MARCHF1: variants seen among roughly 807,000 people sequenced by gnomAD.
MARCHF1 encodes the protein membrane associated ring-CH-type finger 1, also known as E3 ubiquitin-protein ligase MARCHF1.
MARCHF1 carries 40 observed loss-of-function variants against 54.2 expected under a neutral mutation model. The observed-to-expected ratio is 0.74, with a 90% confidence interval of 0.57 to 0.96. The LOEUF is 0.96. Ranked by LOEUF, MARCHF1 falls within the 40% of genes least tolerant of loss-of-function variation. MARCHF1 has a pLI of 0.00. For synonymous variants in MARCHF1, 236 were observed against 236.3 expected (o/e 1.00, Z 0.01); for missense variants, 586 against 656.5 (o/e 0.89, Z 1.17).
At chr4:164,308,841 A>G (rs1447360205) in intron 1 of MARCHF1, among the ~76,000 whole-genome samples, 2 of 152,042 alleles carry the variant, frequency 1.3e-5, no homozygotes, top group Non-Finnish European at 2.9e-5. Flanking sequence ...GCAGAAAAAA[A>G]TAACTATTGA....
intron 2 of MARCHF1, among the ~76,000 whole-genome samples, chr4:164,048,075 A>G (rs1410465890): frequency 6.6e-6 from 1 of 152,186 alleles, no homozygotes; most frequent in Non-Finnish European, 1.5e-5. Flanking sequence ...AGCTCAATAC[A>G]TACATATAAC....
intron 1 of MARCHF1, among the ~76,000 whole-genome samples, chr4:164,236,754 T>C (rs1732574701): frequency 6.6e-6 from 1 of 152,126 alleles, no homozygotes; most frequent in African/African-American, 2.4e-5. Context: ...GAACTGAGAA[T>C]AATGAAGACT....
At chr4:163,723,572 C>A (rs185997729) in intron 4 of MARCHF1, among the ~76,000 whole-genome samples, 64 of 152,094 alleles carry the variant, frequency 4.2e-4, no homozygotes, top group Non-Finnish European at 7.8e-4. Flanking sequence ...TGTTGGCCTG[C>A]CTTGCTAGGT....
intron 4 of MARCHF1, among the ~76,000 whole-genome samples, chr4:163,715,020 A>G (rs917658050): frequency 6.6e-6 from 1 of 152,120 alleles, no homozygotes; most frequent in Non-Finnish European, 1.5e-5. Flanking sequence ...ATTTGATTTT[A>G]TTTTTATAGA....
chr4:163,855,442 T>A (rs533009436), intron 3 of MARCHF1, among the ~76,000 whole-genome samples: 10 of 152,180 alleles, frequency 6.6e-5, no homozygotes, highest in African/African-American at 9.6e-5. Context: ...AATCTGCATA[T>A]TTAATTTGCA....
chr4:164,188,649 C>T (rs778619165), intron 1 of MARCHF1: 8 of 1,072,028 alleles, frequency 7.5e-6, no homozygotes, highest in East Asian at 2.4e-5. Flanking sequence ...CCCAAGAACA[C>T]GGTCTTTGAC....
rs1738064658 is a variant in MARCHF1, at chr4:163,525,355, A to AAGC, written c.*3390_*3392dup. ...TGTCTGGGACTATAATCACGTGTAGAAGCAGCGCAGAGTGAGATTTAATGC... is the reference window on the plus strand; with the variant it reads ...TGTCTGGGACTATAATCACGTGTAGAAGCAGCAGCGCAGAGTGAGATTTAATGC... On this transcript the variant is annotated 3_prime_UTR_variant, in exon 10 of 10. Transcript: ENST00000514618. 6.6e-6 allele frequency: 1 copy of AAGC among 152,132 alleles called. No homozygotes were observed. Among genetic ancestry groups the AAGC allele is most frequent in the Non-Finnish European group, 1.5e-5 (1 of 68,012 alleles). 9.4% of individuals were successfully genotyped at this position (152,132 alleles called of 1,614,324 possible). A position where few individuals can be genotyped will look rare whatever the true frequency, so the allele number is the denominator to read the frequency against.
chr4:164,187,670 T>C (rs577168248), intron 1 of MARCHF1, among the ~76,000 whole-genome samples: 8 of 152,162 alleles, frequency 5.3e-5, no homozygotes, highest in Non-Finnish European at 1.2e-4. Context: ...AGGTTCTGCT[T>C]GAGCACTTGA....
At chr4:164,238,308 G>A (rs945445229) in intron 1 of MARCHF1, among the ~76,000 whole-genome samples, 1 of 151,996 alleles carries the variant, frequency 6.6e-6, no homozygotes, top group Non-Finnish European at 1.5e-5. Flanking sequence ...GACAAAGAGA[G>A]TCTACAGAGA....
intron 9 of MARCHF1, among the ~76,000 whole-genome samples, chr4:163,542,498 G>C (rs1356696587): frequency 6.6e-6 from 1 of 152,182 alleles, no homozygotes; most frequent in Admixed American, 6.5e-5. Context: ...ATCATCTAAG[G>C]GTGACTAAGT....
At chr4:164,109,864 T>C (rs1461232366) in intron 2 of MARCHF1, among the ~76,000 whole-genome samples, 1 of 133,522 alleles carries the variant, frequency 7.5e-6, no homozygotes, top group Non-Finnish European at 1.5e-5. Context: ...GACAAGAGTT[T>C]ACCTATGTGA....
At chr4:163,766,970 GGT>G (rs879788637) in intron 4 of MARCHF1, among the ~76,000 whole-genome samples, 10 of 151,730 alleles carry the variant, frequency 6.6e-5, no homozygotes, top group Non-Finnish European at 1.3e-4. Context: ...TGTTAATATT[GGT>G]GGTAAAAATA....
chr4:163,662,080 CT>C (rs1207759989), intron 5 of MARCHF1, among the ~76,000 whole-genome samples: 1 of 151,752 alleles, frequency 6.6e-6, no homozygotes, highest in Non-Finnish European at 1.5e-5. Flanking sequence ...TTTTTTCTTC[CT>C]TTTTTGGTAT....
At chr4:164,240,671 A>G (rs2111206437) in intron 1 of MARCHF1, among the ~76,000 whole-genome samples, 1 of 152,206 alleles carries the variant, frequency 6.6e-6, no homozygotes, top group Non-Finnish European at 1.5e-5. Flanking sequence ...AACTGACTCC[A>G]TCTTGCTTCT....
chr4:163,766,680 A>T (rs1746986523), intron 4 of MARCHF1, among the ~76,000 whole-genome samples: 1 of 152,142 alleles, frequency 6.6e-6, no homozygotes. Flanking sequence ...ATCACAGAAA[A>T]CACAACACGA....
intron 2 of MARCHF1, among the ~76,000 whole-genome samples, chr4:164,102,869 C>A (rs1310088709): frequency 5.5e-4 from 53 of 96,556 alleles, no homozygotes; most frequent in Non-Finnish European, 7.9e-4. Flanking sequence ...TCAGGAAACC[C>A]ATCTCACGTG....
intron 8 of MARCHF1, among the ~76,000 whole-genome samples, chr4:163,561,364 T>C (rs1739462146): frequency 6.6e-6 from 1 of 152,226 alleles, no homozygotes; most frequent in African/African-American, 2.4e-5. Flanking sequence ...TAGCTAGTTC[T>C]GTGCCCAAAA....
At chr4:164,193,843 T>G (rs904223342) in intron 1 of MARCHF1, among the ~76,000 whole-genome samples, 1 of 152,216 alleles carries the variant, frequency 6.6e-6, no homozygotes, top group Non-Finnish European at 1.5e-5. Flanking sequence ...AAGACTCTTG[T>G]AATAAACAAG....
At chr4:163,898,092 A>AAG (rs1255617937) in intron 3 of MARCHF1, among the ~76,000 whole-genome samples, 103 of 150,184 alleles carry the variant, frequency 6.9e-4, no homozygotes, top group Non-Finnish European at 1.2e-3. Flanking sequence ...AAAATCCTTG[A>AAG]AGAGAAACTA....
Sources: gnomAD v4.1 joint callset for allele counts (sites outside exome capture counted in the v4.1 genomes callset) on GRCh38, gnomAD v4.1.1 for gene constraint, MANE v1.5 for transcripts, NCBI Gene and HGNC (gene_info 2026-07-23, HGNC 2026-07-21) for gene names.